The following NRXN3 variants were observed in gnomAD, a reference collection of about 807,000 sequenced individuals.
The protein encoded by NRXN3 is neurexin III.
NRXN3 carries 32 observed loss-of-function variants against 137.6 expected under a neutral mutation model. The observed-to-expected ratio is 0.23, with a 90% confidence interval of 0.18 to 0.31. The LOEUF is 0.31. NRXN3 is among the 10% of genes least tolerant of loss of function. NRXN3 has a pLI of 1.00. For missense variants in NRXN3, 1,574 were observed against 2,062.5 expected (o/e 0.76, Z 4.59); for synonymous variants, 798 against 784.5 (o/e 1.02, Z -0.29).
At chr14:78,198,942 G>T (rs2061446870) in intron 1 of NRXN3, among the ~76,000 whole-genome samples, 1 of 152,212 alleles carries the variant, frequency 6.6e-6, no homozygotes, top group African/African-American at 2.4e-5. Context: ...TAATGGGCAT[G>T]TCTTGGTTAT....
intron 20 of NRXN3, among the ~76,000 whole-genome samples, chr14:79,841,631 C>G (rs1309061632): frequency 1.3e-5 from 2 of 152,166 alleles, no homozygotes; most frequent in East Asian, 3.9e-4. Flanking sequence ...TCACCATTCC[C>G]CCATTAATAA....
intron 15 of NRXN3, among the ~76,000 whole-genome samples, chr14:79,323,262 G>A (rs565059729): frequency 6.6e-6 from 1 of 152,240 alleles, no homozygotes; most frequent in South Asian, 2.1e-4. Context: ...GGATGGTCTT[G>A]AACTTCTGGG....
At chr14:79,314,703 C>A (rs577622300) in intron 15 of NRXN3, among the ~76,000 whole-genome samples, 8 of 144,042 alleles carry the variant, frequency 5.6e-5, no homozygotes, top group East Asian at 4.2e-4. Flanking sequence ...TCTCCCAGCA[C>A]GCAGCTGGAG....
intron 15 of NRXN3, among the ~76,000 whole-genome samples, chr14:79,441,032 T>C (rs1031019442): frequency 6.6e-6 from 1 of 152,216 alleles, no homozygotes; most frequent in East Asian, 1.9e-4. Flanking sequence ...CTCTGATAAT[T>C]GACCAATGTG....
At chr14:78,933,551 T>C (rs1052952287) in intron 10 of NRXN3, among the ~76,000 whole-genome samples, 2 of 152,224 alleles carry the variant, frequency 1.3e-5, no homozygotes, top group Non-Finnish European at 2.9e-5. Context: ...AATTTGTTTT[T>C]TAATTGACTT....
At chr14:79,289,645 T>G (rs2082841946) in intron 15 of NRXN3, among the ~76,000 whole-genome samples, 1 of 151,950 alleles carries the variant, frequency 6.6e-6, no homozygotes, top group African/African-American at 2.4e-5. Flanking sequence ...ATCATGAGAA[T>G]CCTTCTAATA....
At chr14:79,573,363 G>A (rs1405927894) in intron 16 of NRXN3, among the ~76,000 whole-genome samples, 2 of 152,140 alleles carry the variant, frequency 1.3e-5, no homozygotes, top group Admixed American at 6.5e-5. Flanking sequence ...GTGGGGGGAC[G>A]GGAGAGTACG....
At chr14:79,765,315 C>G (rs1340007728) in intron 19 of NRXN3, among the ~76,000 whole-genome samples, 1 of 152,184 alleles carries the variant, frequency 6.6e-6, no homozygotes, top group Non-Finnish European at 1.5e-5. Context: ...TGAAGCAATT[C>G]ACTTGTAGCC....
At chr14:79,851,439 C>T in intron 20 of NRXN3, among the ~76,000 whole-genome samples, 1 of 151,894 alleles carries the variant, frequency 6.6e-6, no homozygotes, top group East Asian at 1.9e-4. Flanking sequence ...ATTATTAAAC[C>T]AGAGACTAAA....
intron 4 of NRXN3, among the ~76,000 whole-genome samples, chr14:78,518,463 T>G (rs187775092): frequency 6.6e-6 from 1 of 152,070 alleles, no homozygotes; most frequent in South Asian, 2.1e-4. Context: ...TTGCTCCATA[T>G]GTGACATAAA....
chr14:79,604,043 A>T (rs1220134332), intron 16 of NRXN3, among the ~76,000 whole-genome samples: 1 of 151,736 alleles, frequency 6.6e-6, no homozygotes, highest in African/African-American at 2.4e-5. Flanking sequence ...CCCCACCACC[A>T]CGCCCAGATA....
rs570480800 is a variant in NRXN3, at chr14:78,375,898, C to T, written c.757+78038C>T. 1.7e-4 allele frequency among the ~76,000 whole-genome samples: 26 copies of T among 152,220 alleles called. No homozygotes were observed. In the East Asian group the frequency reaches 4.4e-3, roughly 26 times the overall value. Reference sequence around the variant, plus strand: ...ATTAAGGTCCCCAGCTTTTCCCCTTCTCATGACTCCCAAGGAACCCTAAAA... The same window carrying T: ...ATTAAGGTCCCCAGCTTTTCCCCTTTTCATGACTCCCAAGGAACCCTAAAA... On this transcript the variant is annotated intron_variant, in intron 4 of 20. Coordinates refer to ENST00000335750, the MANE Select transcript of NRXN3 (RefSeq NM_001330195.2).
rs1005608725 is a variant in NRXN3 at position 78,915,022 on chromosome 14, CAAAGA to C, written c.2276-42219_2276-42215del. Among the ~76,000 whole-genome samples, 6 of 151,990 alleles carry C rather than the reference CAAAGA, an allele frequency of 3.9e-5. No homozygotes were observed. In the East Asian group the frequency reaches 1.2e-3, roughly 30 times the overall value. The stretch of plus-strand genomic sequence containing the variant: ...ATAGAGGAGAAAGCAAATAAAAATT[CAAAGA>C]TATTGAGATAGTACCTGAGTGGTAA... On this transcript the variant is annotated intron_variant, in intron 10 of 20. Transcript: ENST00000335750.
chr14:78,177,321 T>A (rs1414377623), intron 1 of NRXN3, among the ~76,000 whole-genome samples: 1 of 152,120 alleles, frequency 6.6e-6, no homozygotes, highest in East Asian at 1.9e-4. Flanking sequence ...CACTCTAGGG[T>A]TGGTCTTGAC....
chr14:78,583,414 A>T (rs2097024653), intron 4 of NRXN3, among the ~76,000 whole-genome samples: 1 of 151,704 alleles, frequency 6.6e-6, no homozygotes, highest in Non-Finnish European at 1.5e-5. Flanking sequence ...TAATGAAAAA[A>T]ACCTCAATCT....
intron 10 of NRXN3, among the ~76,000 whole-genome samples, chr14:78,837,389 G>T (rs1430468928): frequency 1.3e-5 from 2 of 152,072 alleles, no homozygotes; most frequent in Non-Finnish European, 2.9e-5. Context: ...GTGAATAGTG[G>T]CCACTTTGGG....
At chr14:78,794,604 ATTTG>A (rs1248507893) in intron 8 of NRXN3, among the ~76,000 whole-genome samples, 1 of 145,692 alleles carries the variant, frequency 6.9e-6, no homozygotes, top group Non-Finnish European at 1.5e-5. Context: ...TGTCTATTCT[ATTTG>A]TGTGTGTGTG....
chr14:78,970,043 T>C (rs1345972427), intron 14 of NRXN3, among the ~76,000 whole-genome samples: 1 of 152,164 alleles, frequency 6.6e-6, no homozygotes, highest in Non-Finnish European at 1.5e-5. Context: ...GTTTAGAAGA[T>C]TGTAGAATGG....
At position 79,747,919 on chromosome 14, in the gene NRXN3, G is replaced by A. The variant is rs147033617; in HGVS notation, c.4014+49982G>A. 4.6e-5 allele frequency among the ~76,000 whole-genome samples: 7 copies of A among 152,038 alleles called. No homozygotes were observed. The South Asian group carries it at 1.0e-3, about 23-fold the overall frequency. On this transcript the variant is annotated intron_variant, in intron 19 of 20. Coordinates refer to ENST00000335750, the MANE Select transcript of NRXN3 (RefSeq NM_001330195.2). ...ATCTATAAAATAGAATGCTAACATC[G>A]ACTTTATAGGGTTATTGTGAACTCT... is the stretch of plus-strand genomic sequence containing the variant.
Sources: allele counts gnomAD v4.1 joint callset (sites outside exome capture counted in the v4.1 genomes callset), GRCh38; gene constraint gnomAD v4.1.1; transcripts MANE v1.5; gene names NCBI Gene and HGNC (gene_info 2026-07-23, HGNC 2026-07-21).